Variants in PTPRN2 observed in about 807,000 individuals in gnomAD.
PTPRN2 encodes protein tyrosine phosphatase receptor type N2.
A neutral mutation model predicts 118.8 loss-of-function variants in PTPRN2; 74 were observed. The ratio of observed to expected loss-of-function variants is 0.62; its 90% CI spans 0.52 to 0.76. The LOEUF (loss-of-function observed/expected upper bound fraction) is 0.76. Among genes scored for constraint, PTPRN2 ranks in the 30% least tolerant of loss-of-function variants. PTPRN2 has a pLI of 0.00. For synonymous variants in PTPRN2, 641 were observed against 608.0 expected (o/e 1.05, Z -0.80); for missense variants, 1,481 against 1,394.4 (o/e 1.06, Z -0.99).
chr7:158,250,326 T>C (rs73176133), intron 3 of PTPRN2, among the ~76,000 whole-genome samples: 24,243 of 152,154 alleles, frequency 0.16, 2,452 homozygotes, highest in Non-Finnish European at 0.23. Flanking sequence ...ATTTTCAGAT[T>C]CTTTCTAATG....
In PTPRN2 at chr7:157,690,689, C is replaced by T. The variant is rs1000344110; in HGVS notation, c.1789-7752G>A. On this transcript the variant is annotated intron_variant, in intron 12 of 22. Coordinates refer to ENST00000389418, the MANE Select transcript of PTPRN2 (RefSeq NM_002847.5). This position sits in a 1 kb window ranked among gnomAD's most constrained non-coding sequence, Gnocchi z 7.1. Reference sequence around the variant, plus strand: ...CAGCTGCTTCCCTGCGCTGGAGCCACAGACTAGCGGGGTCATCCGCTTCTG... The same window carrying T: ...CAGCTGCTTCCCTGCGCTGGAGCCATAGACTAGCGGGGTCATCCGCTTCTG... 5.9e-4 allele frequency among the ~76,000 whole-genome samples: 90 copies of T among 151,786 alleles called. No individual in the cohort carries two copies. The highest frequency in any genetic ancestry group is 2.0e-3 in the African/African-American group (83 of 41,504).
intron 9 of PTPRN2, among the ~76,000 whole-genome samples, chr7:158,123,451 C>T (rs139167013): frequency 2.0e-4 from 30 of 152,270 alleles, no homozygotes; most frequent in African/African-American, 5.1e-4. Flanking sequence ...ATCCCCTGCA[C>T]GCCCACTCTC....
intron 12 of PTPRN2, among the ~76,000 whole-genome samples, chr7:157,725,363 GT>G (rs755347708): frequency 0.058 from 1,024 of 17,764 alleles, 259 homozygotes; most frequent in East Asian, 0.23. Context: ...ACAGAGGAGT[GT>G]GGCCAGACCC....
chr7:157,890,355 C>T (rs77704793), intron 12 of PTPRN2, among the ~76,000 whole-genome samples: 3,093 of 152,236 alleles, frequency 0.02, 91 homozygotes, highest in African/African-American at 0.067. Context: ...AAAAATAAGA[C>T]TTCAGGCTGG....
chr7:158,340,640 T>A (rs1369032872), intron 2 of PTPRN2, among the ~76,000 whole-genome samples: 1 of 103,494 alleles, frequency 9.7e-6, no homozygotes, highest in Non-Finnish European at 2.1e-5. Context: ...ACTCTAGCCA[T>A]AAGAGCTGAC....
intron 11 of PTPRN2, among the ~76,000 whole-genome samples, chr7:158,052,697 G>T (rs770822445): frequency 6.6e-6 from 1 of 151,884 alleles, no homozygotes; most frequent in Non-Finnish European, 1.5e-5. Flanking sequence ...GCTTTGTCTC[G>T]TGGGGGCCGT....
chr7:158,494,984 G>A (rs899411300), intron 1 of PTPRN2, among the ~76,000 whole-genome samples: 2 of 152,006 alleles, frequency 1.3e-5, no homozygotes, highest in South Asian at 2.1e-4. Flanking sequence ...CGCCCAATCC[G>A]ACCCTGTTAC....
At chr7:157,927,665 G>GAA (rs1310480827) in intron 11 of PTPRN2, among the ~76,000 whole-genome samples, 22 of 144,284 alleles carry the variant, frequency 1.5e-4, no homozygotes, top group African/African-American at 3.7e-4. Flanking sequence ...GAGGCCTCAT[G>GAA]TCTGCTGGGA....
rs921342768 is a variant in PTPRN2, at chr7:157,591,954, G to A, written c.2496+3284C>T. On this transcript the variant is annotated intron_variant, in intron 17 of 22. Coordinates refer to ENST00000389418, the MANE Select transcript of PTPRN2 (RefSeq NM_002847.5). This position sits in a 1 kb window ranked among gnomAD's most constrained non-coding sequence, Gnocchi z 4.4. ...TCACAATTTCTCAGAGGCTCTGCTCGGCTGGCATGCTCGAGAACATCCTGG... is the reference window on the plus strand; with the variant it reads ...TCACAATTTCTCAGAGGCTCTGCTCAGCTGGCATGCTCGAGAACATCCTGG... Among the ~76,000 whole-genome samples the A allele has an allele frequency of 1.2e-4, 19 of 152,178 alleles. No homozygotes were observed. The highest frequency in any genetic ancestry group is 3.9e-4 in the African/African-American group (16 of 41,434).
intron 11 of PTPRN2, among the ~76,000 whole-genome samples, chr7:158,034,975 C>T (rs909520248): frequency 4.6e-5 from 7 of 152,248 alleles, no homozygotes; most frequent in Non-Finnish European, 4.4e-5. Flanking sequence ...GCTATCTGCC[C>T]TGAGCAAAAC....
intron 21 of PTPRN2, among the ~76,000 whole-genome samples, chr7:157,556,119 C>T (rs1354629013): frequency 6.6e-6 from 1 of 152,186 alleles, no homozygotes; most frequent in African/African-American, 2.4e-5. Context: ...TGGGGATGCT[C>T]TGGGTGCCCC....
chr7:158,135,894 T>A (rs749730576), intron 8 of PTPRN2, among the ~76,000 whole-genome samples: 10 of 152,244 alleles, frequency 6.6e-5, no homozygotes, highest in Non-Finnish European at 1.2e-4. Context: ...CCCAGAACCA[T>A]GCAATGTCAC....
chr7:157,803,272 C>T (rs990237108), intron 12 of PTPRN2, among the ~76,000 whole-genome samples: 1 of 152,200 alleles, frequency 6.6e-6, no homozygotes, highest in African/African-American at 2.4e-5. Flanking sequence ...GCCACCTATA[C>T]ATTTTAAATA....
intron 13 of PTPRN2, among the ~76,000 whole-genome samples, chr7:157,669,784 G>A (rs1016830480): frequency 2.6e-5 from 4 of 152,152 alleles, no homozygotes; most frequent in East Asian, 3.9e-4. Context: ...CGGCCTCTCC[G>A]CTCGCTCAGC....
intron 9 of PTPRN2, among the ~76,000 whole-genome samples, chr7:158,120,819 T>C (rs897680363): frequency 2.0e-5 from 3 of 152,130 alleles, no homozygotes; most frequent in Admixed American, 1.3e-4. Flanking sequence ...GGCCAGATGT[T>C]GGGCCAGAAG....
At chr7:158,069,234 G>C (rs954062061) in intron 11 of PTPRN2, among the ~76,000 whole-genome samples, 11 of 152,192 alleles carry the variant, frequency 7.2e-5, no homozygotes, top group Admixed American at 1.3e-4. Context: ...TATCACCCAA[G>C]CTCAGGGGCA....
At chr7:158,470,200 T>TG (rs1819752299) in intron 2 of PTPRN2, among the ~76,000 whole-genome samples, 1 of 152,214 alleles carries the variant, frequency 6.6e-6, no homozygotes, top group Admixed American at 6.5e-5. Flanking sequence ...TTTCAACAAC[T>TG]GGGGAAAAAA....
chr7:157,971,314 C>T (rs1458894861), intron 11 of PTPRN2, among the ~76,000 whole-genome samples: 1 of 152,040 alleles, frequency 6.6e-6, no homozygotes, highest in African/African-American at 2.4e-5. Flanking sequence ...TTGAAGATTT[C>T]TGGAAGAAAA....
chr7:158,092,978 TGAAACCCTTGTA>T (rs1046630625), intron 10 of PTPRN2, among the ~76,000 whole-genome samples: 1 of 152,242 alleles, frequency 6.6e-6, no homozygotes, highest in Admixed American at 6.5e-5. Context: ...ATGAATAAGT[TGAAACCCTTGTA>T]GTTTTAGGTG....
Sources: gnomAD v4.1 joint callset for allele counts (sites outside exome capture counted in the v4.1 genomes callset) on GRCh38, gnomAD v4.1.1 for gene constraint, Gnocchi (gnomAD v3.1) non-coding constraint, MANE v1.5 for transcripts, NCBI Gene and HGNC (gene_info 2026-07-23, HGNC 2026-07-21) for gene names.